BLTP3B: variants seen among roughly 807,000 people sequenced by gnomAD.
BLTP3B encodes the protein UHRF1 (ICBP90) binding protein 1-like.
At chr12:100,127,236 T>C in the BLTP3B span, among the ~76,000 whole-genome samples, 2 of 152,208 alleles carry the variant, frequency 1.3e-5, no homozygotes, top group Admixed American at 1.3e-4. Context: ...ACTATTAATA[T>C]ACTAAAGTGA....
the BLTP3B span, among the ~76,000 whole-genome samples, chr12:100,099,503 G>C: frequency 6.6e-6 from 1 of 150,494 alleles, no homozygotes; most frequent in African/African-American, 2.4e-5. Context: ...GCTCATGCCT[G>C]TAATCCCAGC....
At chr12:100,047,814 A>G in the BLTP3B span, 1 of 1,182,854 alleles carries the variant, frequency 8.5e-7, no homozygotes. Context: ...ATCATTTACC[A>G]AAAAAGACAA....
At chr12:100,070,052 AATTTAG>A in the BLTP3B span, 21 of 1,396,290 alleles carry the variant, frequency 1.5e-5, 1 homozygote, top group East Asian at 5.5e-5. Context: ...AAAAACAATG[AATTTAG>A]ATTTACAAGA....
the BLTP3B span, among the ~76,000 whole-genome samples, chr12:100,102,046 C>T: frequency 6.6e-6 from 1 of 152,024 alleles, no homozygotes; most frequent in Non-Finnish European, 1.5e-5. Flanking sequence ...GTGATCCGCC[C>T]ACCTCAGCCT....
the BLTP3B span, among the ~76,000 whole-genome samples, chr12:100,039,088 A>C: frequency 2.1e-4 from 32 of 152,280 alleles, no homozygotes; most frequent in African/African-American, 7.7e-4. Flanking sequence ...CTCATTGAAC[A>C]GATGCATTAA....
chr12:100,041,148 A>G, the BLTP3B span, among the ~76,000 whole-genome samples: 46 of 152,324 alleles, frequency 3.0e-4, no homozygotes, highest in African/African-American at 1.1e-3. Context: ...ATGCAAATGT[A>G]TCTATCATCC....
chr12:100,059,494 C>G, the BLTP3B span: 1 of 1,605,688 alleles, frequency 6.2e-7, no homozygotes, highest in Non-Finnish European at 8.5e-7. Context: ...CGTGGCTGAT[C>G]TTGATGACAT....
At chr12:100,095,221 C>T in the BLTP3B span, among the ~76,000 whole-genome samples, 3 of 152,100 alleles carry the variant, frequency 2.0e-5, no homozygotes, top group South Asian at 2.1e-4. Context: ...TATGCTTGTC[C>T]CTGTTCTTGC....
the BLTP3B span, chr12:100,059,837 G>C: frequency 1.3e-6 from 2 of 1,597,486 alleles, no homozygotes; most frequent in Non-Finnish European, 1.7e-6. Context: ...ACTACTACTT[G>C]TTTGTATGAT....
At chr12:100,047,067 T>C in the BLTP3B span, among the ~76,000 whole-genome samples, 1 of 152,200 alleles carries the variant, frequency 6.6e-6, no homozygotes, top group Non-Finnish European at 1.5e-5. Context: ...GATGATACTT[T>C]ATTACAATGT....
chr12:100,104,215 T>C, the BLTP3B span, among the ~76,000 whole-genome samples: 1 of 150,058 alleles, frequency 6.7e-6, no homozygotes, highest in African/African-American at 2.4e-5. Flanking sequence ...TTTTTTTTTT[T>C]TTTTTTTGAG....
At chr12:100,088,413 T>G in the BLTP3B span, among the ~76,000 whole-genome samples, 1 of 152,174 alleles carries the variant, frequency 6.6e-6, no homozygotes. Flanking sequence ...CTAACTGGAA[T>G]TTTGCTTCCT....
the BLTP3B span, among the ~76,000 whole-genome samples, chr12:100,043,846 G>C: frequency 6.6e-6 from 1 of 152,210 alleles, no homozygotes; most frequent in African/African-American, 2.4e-5. Context: ...TGTTGCCTCA[G>C]GGGCTAATTC....
At chr12:100,070,162 G>C in the BLTP3B span, 5 of 1,570,704 alleles carry the variant, frequency 3.2e-6, no homozygotes, top group Non-Finnish European at 4.3e-6. Context: ...ATCTGCTTAG[G>C]AAGGCAGCTG....
At chr12:100,040,115 TTA>T in the BLTP3B span, among the ~76,000 whole-genome samples, 1 of 152,198 alleles carries the variant, frequency 6.6e-6, no homozygotes, top group Non-Finnish European at 1.5e-5. Context: ...TAATAAACTT[TTA>T]GTTAGACTGA....
chr12:100,048,392 A>C, the BLTP3B span, among the ~76,000 whole-genome samples: 2 of 152,136 alleles, frequency 1.3e-5, no homozygotes, highest in East Asian at 3.9e-4. Context: ...AATAATGTTG[A>C]TTTTTCTGTA....
the BLTP3B span, chr12:100,037,830 A>G: frequency 7.6e-7 from 1 of 1,317,712 alleles, no homozygotes; most frequent in South Asian, 1.5e-5. Context: ...ATAGTATCCA[A>G]AGGTATGACA....
chr12:100,108,660 T>G, the BLTP3B span: 2 of 840,144 alleles, frequency 2.4e-6, no homozygotes, highest in Non-Finnish European at 3.5e-6. Context: ...CACAACATAA[T>G]GTCCATCAAC....
the BLTP3B span, chr12:100,092,856 G>A: frequency 6.2e-6 from 6 of 964,564 alleles, no homozygotes; most frequent in Non-Finnish European, 7.4e-6. Context: ...ATAGTCTCCT[G>A]TACTTCTTTC....
Sources: allele counts gnomAD v4.1 joint callset (sites outside exome capture counted in the v4.1 genomes callset), GRCh38; gene constraint gnomAD v4.1.1; transcripts MANE v1.5; gene names NCBI Gene and HGNC (gene_info 2026-07-23, HGNC 2026-07-21).